Variants in MYO16 observed in about 807,000 individuals in gnomAD.
The protein encoded by MYO16 is myosin XVI.
MYO16 carries 94 observed loss-of-function variants against 205.3 expected under a neutral mutation model. That is an observed-to-expected ratio of 0.46 (90% CI 0.39 to 0.54). The LOEUF (loss-of-function observed/expected upper bound fraction) is 0.54. MYO16 is among the 20% of genes least tolerant of loss of function. The pLI, the probability that MYO16 is intolerant of heterozygous loss-of-function variation, is 0.00. For synonymous variants in MYO16, 988 were observed against 954.0 expected (o/e 1.04, Z -0.66); for missense variants, 2,315 against 2,387.5 (o/e 0.97, Z 0.63).
chr13:108,809,547 G>A (rs1335464263), intron 7 of MYO16, among the ~76,000 whole-genome samples: 1 of 152,052 alleles, frequency 6.6e-6, no homozygotes, highest in Non-Finnish European at 1.5e-5. Flanking sequence ...AGCAGAAAGA[G>A]AGTTGGGGGA....
chr13:108,887,601 G>A (rs375555561), intron 13 of MYO16, among the ~76,000 whole-genome samples: 114 of 152,208 alleles, frequency 7.5e-4, no homozygotes, highest in African/African-American at 2.6e-3. Flanking sequence ...AAGTATGCCT[G>A]GGATGTATTA....
At position 108,986,709 on chromosome 13, in the gene MYO16, C is replaced by G. The variant is rs144088355; in HGVS notation, c.2370-5667C>G. ...CACTAATATGAAGGATATAATTGAT[C>G]TGTTATTATGTATACTCTTCTCACT... On this transcript the variant is annotated intron_variant, in intron 20 of 34. Coordinates refer to ENST00000457511, the MANE Select transcript of MYO16 (RefSeq NM_001198950.3). Among the ~76,000 whole-genome samples the G allele has an allele frequency of 2.7e-5, 4 of 150,382 alleles. No homozygotes were observed. The East Asian group carries it at 7.9e-4, about 30-fold the overall frequency.
intron 27 of MYO16, among the ~76,000 whole-genome samples, chr13:109,087,510 G>T (rs1015578377): frequency 6.6e-6 from 1 of 152,090 alleles, no homozygotes; most frequent in Non-Finnish European, 1.5e-5. Context: ...GCTGGGCGTA[G>T]TGGCGGGTGC....
rs577625512 is a variant in MYO16 at position 109,038,599 on chromosome 13, A to G, written c.2797-8317A>G. Among the ~76,000 whole-genome samples the G allele has an allele frequency of 2.0e-5, 3 of 152,214 alleles. No individual in the cohort carries two copies. The South Asian group carries it at 6.2e-4, about 32-fold the overall frequency. On this transcript the variant is annotated intron_variant, in intron 23 of 34. Coordinates refer to ENST00000457511, the MANE Select transcript of MYO16 (RefSeq NM_001198950.3). ...AGCCCCCATAATTATGTGAGCCAAT[A>G]ACTCAGACTATATATATTATACTAT...
In MYO16 at chr13:108,796,775, G is replaced by A. The variant is rs1343200330; in HGVS notation, c.741+3135G>A. 5.7e-5 allele frequency among the ~76,000 whole-genome samples: 6 copies of A among 105,640 alleles called. 1 individual carries two copies. Among genetic ancestry groups the A allele is most frequent in the Admixed American group, 1.0e-4 (1 of 9,562 alleles). 69.3% of individuals were successfully genotyped at this position (105,640 alleles called of 152,430 possible). ...CACACTGGGGCCTGTTGTGGGGTGGGGGGAGCGGGGAGGGATAGCATTAGG... is the reference window on the plus strand; with the variant it reads ...CACACTGGGGCCTGTTGTGGGGTGGAGGGAGCGGGGAGGGATAGCATTAGG... On this transcript the variant is annotated intron_variant, in intron 6 of 34. Coordinates refer to ENST00000457511, the MANE Select transcript of MYO16 (RefSeq NM_001198950.3).
At chr13:108,734,979 G>C (rs1884642344) in intron 4 of MYO16, among the ~76,000 whole-genome samples, 1 of 152,130 alleles carries the variant, frequency 6.6e-6, no homozygotes, top group Admixed American at 6.5e-5. Context: ...GTAGGAGAAA[G>C]GTAGTTATTA....
the MYO16 span, among the ~76,000 whole-genome samples, chr13:108,575,425 C>G: frequency 7.2e-5 from 11 of 152,230 alleles, no homozygotes; most frequent in East Asian, 1.9e-4. Flanking sequence ...GCCAAAGGGA[C>G]AGCTAGTCCT....
intron 33 of MYO16, among the ~76,000 whole-genome samples, chr13:109,170,733 A>G (rs1878890977): frequency 1.3e-5 from 2 of 152,230 alleles, no homozygotes; most frequent in African/African-American, 4.8e-5. Context: ...CCAAGGAAAC[A>G]AGCAGAAACC....
At chr13:108,767,297 T>A (rs1241227868) in intron 4 of MYO16, among the ~76,000 whole-genome samples, 1 of 152,072 alleles carries the variant, frequency 6.6e-6, no homozygotes, top group African/African-American at 2.4e-5. Flanking sequence ...GGAGACAAGG[T>A]TTCACCATGT....
chr13:109,140,224 C>G lies in MYO16; in HGVS notation c.4052-40C>G. 16 of 1,591,764 alleles carry G rather than the reference C, an allele frequency of 1.0e-5. No homozygotes were observed. Among genetic ancestry groups the G allele is most frequent in the Non-Finnish European group, 1.4e-5 (16 of 1,176,230 alleles). On this transcript the variant is annotated intron_variant, in intron 31 of 34. Transcript: ENST00000457511. The surrounding 1 kb of genome is among the most constrained non-coding windows in gnomAD (Gnocchi z 8.0). ...CCGGGCTTGGTGGGCACCCGTGGGC[C>G]TGGCCTGGCACCCACTGACCGCGTC...
At chr13:109,179,424 GATC>G (rs1216834286) in intron 33 of MYO16, 115 bp from the exon 34 acceptor site, 7 of 682,850 alleles carry the variant, frequency 1.0e-5, no homozygotes, top group African/African-American at 7.1e-5. Context: ...TGTGTTTAAG[GATC>G]ATCATTTCAA....
intron 6 of MYO16, among the ~76,000 whole-genome samples, chr13:108,799,129 A>C (rs1169088157): frequency 3.3e-5 from 5 of 152,260 alleles, no homozygotes; most frequent in African/African-American, 4.8e-5. Context: ...GGATGGAGAC[A>C]GCCATTGATT....
chr13:108,686,663 C>T (rs1390667781), intron 2 of MYO16, among the ~76,000 whole-genome samples: 1 of 152,170 alleles, frequency 6.6e-6, no homozygotes, highest in Non-Finnish European at 1.5e-5. Context: ...AATGTCTGAA[C>T]CAAAATAATT....
intron 4 of MYO16, among the ~76,000 whole-genome samples, chr13:108,775,519 T>A (rs1378689880): frequency 6.6e-6 from 1 of 151,958 alleles, no homozygotes; most frequent in Non-Finnish European, 1.5e-5. Context: ...GAGTTTTGGT[T>A]TTTTTTAAAT....
upstream of MYO16, among the ~76,000 whole-genome samples, chr13:108,595,476 TCCC>T (rs1878522277): frequency 6.6e-6 from 1 of 152,206 alleles, no homozygotes; most frequent in East Asian, 1.9e-4. Flanking sequence ...TAAGGTTACA[TCCC>T]TAAGTGATTG....
At chr13:109,088,754 GAGA>G (rs1195524409) in intron 27 of MYO16, among the ~76,000 whole-genome samples, 7 of 152,280 alleles carry the variant, frequency 4.6e-5, no homozygotes, top group Admixed American at 1.3e-4. Context: ...CGCATCGCGC[GAGA>G]AGAAGACACA....
intron 10 of MYO16, among the ~76,000 whole-genome samples, chr13:108,846,772 T>C (rs1365090980): frequency 6.6e-6 from 1 of 152,128 alleles, no homozygotes; most frequent in Non-Finnish European, 1.5e-5. Context: ...TTTACTGGCA[T>C]TGTTTTGAAG....
chr13:109,172,716 A>G (rs1248908264), intron 33 of MYO16, among the ~76,000 whole-genome samples: 1 of 152,250 alleles, frequency 6.6e-6, no homozygotes, highest in African/African-American at 2.4e-5. Flanking sequence ...ATTTAGCAGA[A>G]AGTTAATACT....
chr13:108,972,249 C>CTATATATATATATA (rs1158879237), intron 20 of MYO16, among the ~76,000 whole-genome samples: 35 of 2,846 alleles, frequency 0.012, 4 homozygotes, highest in Non-Finnish European at 0.016. Context: ...CTCTCTCTCT[C>CTATATATATATATA]TATATATATA....
Sources: allele counts gnomAD v4.1 joint callset (sites outside exome capture counted in the v4.1 genomes callset), GRCh38; gene constraint gnomAD v4.1.1; non-coding constraint Gnocchi (gnomAD v3.1); transcripts MANE v1.5; gene names NCBI Gene and HGNC (gene_info 2026-07-23, HGNC 2026-07-21).